ZNF438: variants seen among roughly 807,000 people sequenced by gnomAD.
The protein encoded by ZNF438 is zinc finger protein 438.
ZNF438 carries 25 observed loss-of-function variants against 38.0 expected under a neutral mutation model. The ratio of observed to expected loss-of-function variants is 0.66; its 90% CI spans 0.48 to 0.92. The LOEUF is 0.92. Among genes scored for constraint, ZNF438 ranks in the 40% least tolerant of loss-of-function variants. ZNF438 has a pLI of 0.00. For missense variants in ZNF438, 1,007 were observed against 999.6 expected, an observed-to-expected ratio of 1.01 and a Z score of -0.10; for synonymous variants, 372 against 364.1, an observed-to-expected ratio of 1.02 and a Z score of -0.25.
intron 3 of ZNF438, among the ~76,000 whole-genome samples, chr10:30,902,349 T>C (rs1028886340): frequency 7.0e-6 from 1 of 142,558 alleles, no homozygotes; most frequent in Non-Finnish European, 1.5e-5. Context: ...ATACAGAGTG[T>C]CGATTGGTGT....
chr10:30,998,349 G>T (rs889892735), intron 1 of ZNF438, among the ~76,000 whole-genome samples: 4 of 151,432 alleles, frequency 2.6e-5, no homozygotes, highest in Non-Finnish European at 5.9e-5. Context: ...GACCATCCTG[G>T]CTAACACAGT....
intron 3 of ZNF438, among the ~76,000 whole-genome samples, chr10:30,886,828 A>T (rs1452773242): frequency 1.3e-5 from 2 of 152,208 alleles, no homozygotes; most frequent in African/African-American, 4.8e-5. Context: ...CTTTTAAAGT[A>T]ACGTTATTGA....
chr10:30,961,624 C>T (rs896595061), intron 1 of ZNF438, among the ~76,000 whole-genome samples: 3 of 146,326 alleles, frequency 2.1e-5, no homozygotes, highest in Non-Finnish European at 3.1e-5. Context: ...CAGTGGCTCA[C>T]GCCTGTAATC....
chr10:30,933,119 C>A (rs771748968), intron 2 of ZNF438, among the ~76,000 whole-genome samples: 3 of 152,226 alleles, frequency 2.0e-5, no homozygotes, highest in Non-Finnish European at 4.4e-5. Flanking sequence ...TACCATCTCT[C>A]ACTTATATTG....
intron 1 of ZNF438, among the ~76,000 whole-genome samples, chr10:30,975,061 GA>G (rs1056405630): frequency 5.3e-5 from 8 of 150,622 alleles, no homozygotes; most frequent in South Asian, 2.1e-4. Context: ...CACTAAAAAA[GA>G]AAAAAAAATT....
At chr10:30,946,235 A>G (rs2047394155) in intron 1 of ZNF438, among the ~76,000 whole-genome samples, 1 of 152,218 alleles carries the variant, frequency 6.6e-6, no homozygotes, top group South Asian at 2.1e-4. Context: ...TAAAACCATA[A>G]AAACCCTAGA....
intron 2 of ZNF438, among the ~76,000 whole-genome samples, chr10:30,934,093 C>T (rs931063267): frequency 1.3e-5 from 2 of 151,588 alleles, no homozygotes; most frequent in Non-Finnish European, 2.9e-5. Context: ...TTGCAGTGAG[C>T]CGAGATCGCG....
chr10:30,895,141 G>C (rs1270148752), intron 3 of ZNF438, among the ~76,000 whole-genome samples: 4 of 152,086 alleles, frequency 2.6e-5, no homozygotes, highest in Non-Finnish European at 5.9e-5. Context: ...GGATACTCAA[G>C]GATCCTAATT....
exon 4 of ZNF438, chr10:30,877,013 G>A: frequency 6.2e-7 from 1 of 1,605,342 alleles, no homozygotes; most frequent in Non-Finnish European, 8.5e-7. Context: ...TCTTTTGGTG[G>A]TACTGATACA....
At chr10:30,879,495 T>C (rs2038924253) in intron 3 of ZNF438, among the ~76,000 whole-genome samples, 1 of 151,818 alleles carries the variant, frequency 6.6e-6, no homozygotes, top group Non-Finnish European at 1.5e-5. Context: ...CGCAGAAAAA[T>C]ATGATCCATA....
intron 1 of ZNF438, among the ~76,000 whole-genome samples, chr10:30,970,103 GATAC>G (rs1292052928): frequency 4.9e-5 from 5 of 101,408 alleles, no homozygotes; most frequent in Non-Finnish European, 9.7e-5. Flanking sequence ...AATGCTGGCT[GATAC>G]ACACACACAC....
intron 5 of ZNF438, among the ~76,000 whole-genome samples, chr10:30,848,056 C>A (rs1255472117): frequency 6.6e-6 from 1 of 152,202 alleles, no homozygotes; most frequent in Non-Finnish European, 1.5e-5. Context: ...AGCAATAATA[C>A]CAGGAAGCAG....
At chr10:31,009,138 T>C (rs1354864100) in intron 1 of ZNF438, among the ~76,000 whole-genome samples, 1 of 152,350 alleles carries the variant, frequency 6.6e-6, no homozygotes, top group East Asian at 1.9e-4. Flanking sequence ...GCAAGAGTTC[T>C]TTATAAATGT....
intron 1 of ZNF438, among the ~76,000 whole-genome samples, chr10:31,008,094 G>A (rs893560396): frequency 6.6e-6 from 1 of 151,960 alleles, no homozygotes; most frequent in African/African-American, 2.4e-5. Flanking sequence ...ATTTTATATT[G>A]CTGAGTTACA....
chr10:30,887,491 C>T (rs1366607424), intron 3 of ZNF438, among the ~76,000 whole-genome samples: 2 of 152,116 alleles, frequency 1.3e-5, no homozygotes, highest in African/African-American at 4.8e-5. Context: ...CGGGTTCAAG[C>T]GATTCTCCTG....
At chr10:30,926,766 A>G (rs912946408) in intron 2 of ZNF438, among the ~76,000 whole-genome samples, 1 of 152,222 alleles carries the variant, frequency 6.6e-6, no homozygotes, top group African/African-American at 2.4e-5. Context: ...ATGAATGGAA[A>G]TAGAAAATTC....
intron 2 of ZNF438, among the ~76,000 whole-genome samples, chr10:30,928,170 T>A (rs2045188433): frequency 6.6e-6 from 1 of 152,156 alleles, no homozygotes; most frequent in Non-Finnish European, 1.5e-5. Flanking sequence ...TTTTATAATA[T>A]TTACACACTA....
intron 1 of ZNF438, among the ~76,000 whole-genome samples, chr10:30,970,255 T>C (rs558759995): frequency 1.2e-4 from 18 of 152,252 alleles, no homozygotes; most frequent in Admixed American, 1.1e-3. Context: ...TAGTAACCTT[T>C]CTCAAGTAAT....
intron 4 of ZNF438, among the ~76,000 whole-genome samples, chr10:30,857,258 C>CTTTTTT (rs10682942): frequency 7.4e-6 from 1 of 135,916 alleles, no homozygotes; most frequent in Non-Finnish European, 1.6e-5. Flanking sequence ...TCTAAAATTT[C>CTTTTTT]TTTTTTTTTT....
Sources: gnomAD v4.1 joint callset for allele counts (sites outside exome capture counted in the v4.1 genomes callset) on GRCh38, gnomAD v4.1.1 for gene constraint, MANE v1.5 for transcripts, NCBI Gene and HGNC (gene_info 2026-07-23, HGNC 2026-07-21) for gene names.